The following EFHC2 variants were observed in gnomAD, a reference collection of about 807,000 sequenced individuals.
EFHC2 encodes the protein EF-hand domain containing 2.
EFHC2 carries 18 observed loss-of-function variants against 52.7 expected under a neutral mutation model. The observed-to-expected ratio is 0.34, with a 90% CI of 0.24 to 0.51. EFHC2 has a LOEUF of 0.51. EFHC2 is among the 20% of genes least tolerant of loss of function. The pLI, the probability that EFHC2 is intolerant of heterozygous loss-of-function variation, is 0.97. For missense variants in EFHC2, 513 were observed against 562.5 expected (o/e 0.91, Z 0.89); for synonymous variants, 203 against 204.1 (o/e 0.99, Z 0.04).
chrX:44,275,259 A>C (rs1381815575), intron 2 of EFHC2, among the ~76,000 whole-genome samples: 1 of 111,928 alleles, frequency 8.9e-6, no homozygotes, highest in Non-Finnish European at 1.9e-5. Context: ...TTGGGCTTCA[A>C]TATGTCTAGA....
At chrX:44,282,110 T>C (rs2037706423) in intron 2 of EFHC2, among the ~76,000 whole-genome samples, 1 of 110,163 alleles carries the variant, frequency 9.1e-6, no homozygotes, top group African/African-American at 3.3e-5. Context: ...TGTGCAAAGA[T>C]GTTCTTTGCA....
In EFHC2 at chrX:44,264,076, T is replaced by G. The variant is rs149754326; in HGVS notation, c.383-2778A>C. ...GAAATATGAATATTCAGTTTAAGGA[T>G]GAGAAAACCAAAGCTCAGAGAGGTT... On this transcript the variant is annotated intron_variant, in intron 3 of 14. Coordinates refer to ENST00000420999, the MANE Select transcript of EFHC2 (RefSeq NM_025184.4). Among the ~76,000 whole-genome samples the G allele has an allele frequency of 2.3e-3, 253 of 112,224 alleles. 1 individual carries two copies. Among genetic ancestry groups the G allele is most frequent in the African/African-American group, 7.7e-3 (240 of 30,976 alleles).
At chrX:44,166,922 C>G (rs1308467940) in intron 13 of EFHC2, among the ~76,000 whole-genome samples, 1 of 111,865 alleles carries the variant, frequency 8.9e-6, no homozygotes, top group African/African-American at 3.2e-5. Context: ...ATAGCAATAA[C>G]TTCCTGTCTT....
At chrX:44,311,455 C>G (rs2037947173) in intron 2 of EFHC2, among the ~76,000 whole-genome samples, 1 of 112,057 alleles carries the variant, frequency 8.9e-6, no homozygotes, top group Non-Finnish European at 1.9e-5. Context: ...AATTCTTTAT[C>G]TAGTCCTGAA....
intron 4 of EFHC2, among the ~76,000 whole-genome samples, chrX:44,252,924 G>A (rs1295277417): frequency 9.0e-6 from 1 of 110,756 alleles, no homozygotes; most frequent in African/African-American, 3.3e-5. Context: ...ATTTCCAACT[G>A]AGGTATCCGG....
chrX:44,195,643 T>C (rs1247493516), intron 11 of EFHC2, among the ~76,000 whole-genome samples: 1 of 111,543 alleles, frequency 9.0e-6, no homozygotes, highest in East Asian at 2.8e-4. Flanking sequence ...CTATGGCACA[T>C]GATGCCTCTG....
chrX:44,207,436 G>A (rs180940992), intron 11 of EFHC2, among the ~76,000 whole-genome samples: 28 of 110,635 alleles, frequency 2.5e-4, no homozygotes, highest in African/African-American at 4.6e-4. Flanking sequence ...GCTTGAGCCC[G>A]AGAGGCGGAG....
At chrX:44,260,241 T>A (rs2037528144) in intron 4 of EFHC2, among the ~76,000 whole-genome samples, 1 of 111,241 alleles carries the variant, frequency 9.0e-6, no homozygotes, top group African/African-American at 3.3e-5. Flanking sequence ...CATCCAACTG[T>A]ACACTTAATT....
At chrX:44,332,576 C>T (rs2038093510) in intron 1 of EFHC2, among the ~76,000 whole-genome samples, 1 of 111,429 alleles carries the variant, frequency 9.0e-6, no homozygotes, top group African/African-American at 3.3e-5. Flanking sequence ...TCTGCCCTTT[C>T]TGCAACTATA....
chrX:44,224,979 C>T (rs903413809), intron 11 of EFHC2, among the ~76,000 whole-genome samples: 32 of 111,516 alleles, frequency 2.9e-4, no homozygotes, highest in African/African-American at 9.8e-4. Context: ...CCCCACCCTG[C>T]CTATGTTCCC....
chrX:44,333,347 G>A (rs996669763), intron 1 of EFHC2, among the ~76,000 whole-genome samples: 3 of 110,975 alleles, frequency 2.7e-5, no homozygotes, highest in African/African-American at 9.8e-5. Context: ...GATCTAGATG[G>A]GAAGAGGAAG....
chrX:44,293,163 T>C (rs2037805142), intron 2 of EFHC2, among the ~76,000 whole-genome samples: 1 of 109,716 alleles, frequency 9.1e-6, no homozygotes, highest in African/African-American at 3.3e-5. Flanking sequence ...TCTATTTTTT[T>C]AGGTGAGAAG....
At chrX:44,149,337 C>T (rs908271786) in intron 14 of EFHC2, among the ~76,000 whole-genome samples, 10 of 111,489 alleles carry the variant, frequency 9.0e-5, no homozygotes, top group Non-Finnish European at 1.9e-4. Context: ...CCAGGCTGGA[C>T]TTGCGGACTA....
rs199987626 is a variant in EFHC2 at position 44,169,273 on chromosome X, ATTAT to A, written c.2043-5250_2043-5247del. ...CGAGAGCTCTAAAATCTTTCTATTT[ATTAT>A]TTATTTATTTATTTTTCATACAGGG... On this transcript the variant is annotated intron_variant, in intron 13 of 14. Transcript: ENST00000420999. Among the ~76,000 whole-genome samples, 1,094 of 110,559 alleles carry A rather than the reference ATTAT, an allele frequency of 9.9e-3. 18 individuals carry two copies. The highest frequency in any genetic ancestry group is 0.032 in the African/African-American group (986 of 30,368).
At chrX:44,324,600 C>T (rs2038041331) in intron 1 of EFHC2, among the ~76,000 whole-genome samples, 2 of 111,528 alleles carry the variant, frequency 1.8e-5, no homozygotes, top group Admixed American at 1.9e-4. Context: ...CAAACTCTTA[C>T]CAGCATATCT....
At chrX:44,317,539 A>G (rs2037990975) in intron 1 of EFHC2, among the ~76,000 whole-genome samples, 1 of 112,970 alleles carries the variant, frequency 8.9e-6, no homozygotes, top group African/African-American at 3.2e-5. Context: ...TAATCTCAAT[A>G]CTTTGGGAGG....
intron 13 of EFHC2, among the ~76,000 whole-genome samples, chrX:44,166,968 C>T (rs181290966): frequency 8.9e-6 from 1 of 111,958 alleles, no homozygotes; most frequent in East Asian, 2.8e-4. Context: ...AGCAGCAGAC[C>T]ATCCTCCACC....
intron 2 of EFHC2, among the ~76,000 whole-genome samples, chrX:44,297,841 A>C (rs955928260): frequency 9.1e-5 from 10 of 109,520 alleles, no homozygotes; most frequent in African/African-American, 3.3e-4. Context: ...AAAGTAAGGA[A>C]AGGAAGAAAG....
intron 11 of EFHC2, among the ~76,000 whole-genome samples, chrX:44,180,141 G>A (rs1334993354): frequency 3.6e-5 from 4 of 112,176 alleles, no homozygotes; most frequent in Non-Finnish European, 5.6e-5. Context: ...CACAGAAGGC[G>A]GAGAGAACTG....
Sources: gnomAD v4.1 joint callset for allele counts (sites outside exome capture counted in the v4.1 genomes callset) on GRCh38, gnomAD v4.1.1 for gene constraint, MANE v1.5 for transcripts, NCBI Gene and HGNC (gene_info 2026-07-23, HGNC 2026-07-21) for gene names.